Variants in VASP observed in about 807,000 individuals in gnomAD.
VASP encodes vasodilator-stimulated phosphoprotein.
Under a neutral mutation model 54.4 loss-of-function variants are expected in VASP, and 27 were observed. The observed-to-expected ratio is 0.50, with a 90% confidence interval of 0.37 to 0.68. The LOEUF is 0.68. VASP is among the 30% of genes least tolerant of loss of function. The probability of loss-of-function intolerance (pLI) is 0.00; values close to 1 mark genes in which losing one functional copy is unlikely to be tolerated. For synonymous variants in VASP, 233 were observed against 209.8 expected (o/e 1.11, Z -0.96); for missense variants, 488 against 528.3 (o/e 0.92, Z 0.75).
At position 45,507,673 on chromosome 19, in the gene VASP, G is replaced by A; in HGVS notation, c.-99G>A. 1 of 1,470,374 alleles carries A rather than the reference G, an allele frequency of 6.8e-7. No homozygotes were observed. Among genetic ancestry groups the A allele is most frequent in the Non-Finnish European group, 9.1e-7 (1 of 1,099,392 alleles). 91.1% of individuals were successfully genotyped at this position (1,470,374 alleles called of 1,614,324 possible). A position where few individuals can be genotyped will look rare whatever the true frequency, so the allele number is the denominator to read the frequency against. Reference sequence around the variant, plus strand: ...ATGGGGCGGGACCCTGGGGGAGCCTGAGCCGAGCCCGGAGCCAGCCCCGAA... The same window carrying A: ...ATGGGGCGGGACCCTGGGGGAGCCTAAGCCGAGCCCGGAGCCAGCCCCGAA... On this transcript the variant is annotated 5_prime_UTR_variant, in exon 1 of 13. It removes the in-frame stop codon of an upstream open reading frame in the 5' UTR. Transcript: ENST00000245932. This position sits in a 1 kb window ranked among gnomAD's most constrained non-coding sequence, Gnocchi z 4.4.
In VASP at chr19:45,522,652, G is replaced by C. The variant is rs564324445; in HGVS notation, c.721-66G>C. The C allele has an allele frequency of 1.5e-4, 231 of 1,569,804 alleles. No individual in the cohort carries two copies. The African/African-American group carries it at 3.0e-3, about 20-fold the overall frequency. On this transcript the variant is annotated intron_variant, in intron 6 of 12. Transcript: ENST00000245932. Reference sequence around the variant, plus strand: ...GGGGATGAGGCCAGGGCTGCCGGCGGTGTCATTGGGCTGGAAGGCCAAAAG... The same window carrying C: ...GGGGATGAGGCCAGGGCTGCCGGCGCTGTCATTGGGCTGGAAGGCCAAAAG...
chr19:45,507,584 A>G lies in VASP; in HGVS notation c.-188A>G. On this transcript the variant is annotated 5_prime_UTR_variant, in exon 1 of 13. Coordinates refer to ENST00000245932, the MANE Select transcript of VASP (RefSeq NM_003370.4). The surrounding 1 kb of genome is among the most constrained non-coding windows in gnomAD (Gnocchi z 4.4). ...CAGGAACCTCTCATCAGACCGCCTG[A>G]GGGAAGCGGCGCCCGGAGACCCGCC... is the stretch of plus-strand genomic sequence containing the variant. 1.6e-6 allele frequency: 1 copy of G among 610,062 alleles called. No homozygotes were observed. The highest frequency in any genetic ancestry group is 2.7e-6 in the Non-Finnish European group (1 of 371,636). The allele number at this position is 610,062 out of a possible 1,614,324, so 37.8% of individuals were successfully genotyped here.
chr19:45,521,451 TC>T (rs1475803236), intron 4 of VASP, 45 bp downstream of exon 4: 3 of 1,461,368 alleles, frequency 2.1e-6, no homozygotes, highest in Non-Finnish European at 2.7e-6. Flanking sequence ...CTGCCAGAGT[TC>T]CATATGTTCT....
Position 45,526,316 on chromosome 19 carries a change from A to C in VASP, c.*139A>C. On this transcript the variant is annotated 3_prime_UTR_variant, in exon 13 of 13. Coordinates refer to ENST00000245932, the MANE Select transcript of VASP (RefSeq NM_003370.4). ...TCCCACTCCCCATCCCACTTGGAAA[A>C]CTCCAAGGGGGTGTGGCTTCCCTGC... is the stretch of plus-strand genomic sequence containing the variant. The C allele has an allele frequency of 2.8e-6, 3 of 1,081,034 alleles. No homozygotes were observed. The highest frequency in any genetic ancestry group is 3.3e-5 in the Admixed American group (1 of 30,574). 67.0% of individuals were successfully genotyped at this position (1,081,034 alleles called of 1,614,324 possible).
At chr19:45,522,303 T>C (rs1435096834) in intron 5 of VASP, 37 bp from the exon 6 acceptor site, 5 of 1,613,418 alleles carry the variant, frequency 3.1e-6, no homozygotes, top group Admixed American at 1.7e-5. Context: ...ATGAGGCTTC[T>C]CTCTCTCAGC....
chr19:45,511,954 A>G (rs1325416330), intron 1 of VASP, among the ~76,000 whole-genome samples: 2 of 152,158 alleles, frequency 1.3e-5, no homozygotes, highest in African/African-American at 4.8e-5. Flanking sequence ...AAATAGAAAC[A>G]TTAGCCTGGC....
chr19:45,517,906 A>AC (rs760392791), intron 2 of VASP, 23 bp from the exon 3 acceptor site: 3 of 1,183,920 alleles, frequency 2.5e-6, no homozygotes, highest in East Asian at 6.9e-5. Flanking sequence ...GCCGCCCCTC[A>AC]CCCCCCTTTC....
rs1337213593 is a variant in VASP at position 45,526,717 on chromosome 19, G to A, written c.*540G>A. On this transcript the variant is annotated 3_prime_UTR_variant, in exon 13 of 13. Coordinates refer to ENST00000245932, the MANE Select transcript of VASP (RefSeq NM_003370.4). ...GAGGGGATGTCTCACCGGGCTGGGG[G>A]TGAGATATCCCCCCACCCCAGGGAC... is the stretch of plus-strand genomic sequence containing the variant. 2.0e-5 allele frequency: 3 copies of A among 152,274 alleles called. No individual in the cohort carries two copies. The highest frequency in any genetic ancestry group is 2.1e-4 in the South Asian group (1 of 4,822). The allele number at this position is 152,274 out of a possible 1,614,324, so 9.4% of individuals were successfully genotyped here.
In VASP at chr19:45,524,152, C is replaced by G. The variant is rs1257643090; in HGVS notation, c.956+10C>G. On this transcript the variant is annotated intron_variant, in intron 10 of 12. Transcript: ENST00000245932. ...GCACAACCTTGCCAAGGTAGGCCAT[C>G]GGTCCTGGGGCCCTTGGGGAGGTAA... The G allele has an allele frequency of 6.2e-7, 1 of 1,612,958 alleles. No individual in the cohort carries two copies. Among genetic ancestry groups the G allele is most frequent in the East Asian group, 2.2e-5 (1 of 44,856 alleles).
chr19:45,521,235 C>T (rs1968824918), intron 3 of VASP, 87 bp from the exon 4 acceptor site: 3 of 1,340,028 alleles, frequency 2.2e-6, no homozygotes, highest in African/African-American at 1.5e-5. Context: ...GGCAGGATTC[C>T]TGGGAGGCCT....
chr19:45,509,908 A>G (rs1392442177), intron 1 of VASP, among the ~76,000 whole-genome samples: 3 of 152,226 alleles, frequency 2.0e-5, no homozygotes, highest in Non-Finnish European at 4.4e-5. Flanking sequence ...GGCTGGGGAC[A>G]GTCCTGGGGG....
In VASP at chr19:45,522,359, C is replaced by T. The variant is rs201984100; in HGVS notation, c.498C>T (p.Pro166=). Residue 166 remains proline, a synonymous_variant, in exon 6 of 13, where the codon CCC becomes CCT. Transcript: ENST00000245932. ...TTTCAGGAGGCCCACCTGCTCCCCC[C>T]GCTGGGGGTCCACCCCCACCACCAG... is the stretch of plus-strand genomic sequence containing the variant. ...VSNAGGPPAP[P]AGGPPPPPGP... 101 of 1,574,416 alleles carry T rather than the reference C, an allele frequency of 6.4e-5. No individual in the cohort carries two copies. The highest frequency in any genetic ancestry group is 1.0e-4 in the South Asian group (9 of 86,608).
intron 10 of VASP, 194 bp downstream of exon 10, chr19:45,524,336 A>G: frequency 2.8e-6 from 2 of 712,776 alleles, no homozygotes; most frequent in Non-Finnish European, 4.8e-6. Context: ...CAGGAAGTTG[A>G]GGCCTCAGCG....
intron 7 of VASP, 63 bp from the exon 8 acceptor site, chr19:45,523,581 C>T: frequency 6.4e-7 from 1 of 1,553,808 alleles, no homozygotes; most frequent in Non-Finnish European, 8.8e-7. Flanking sequence ...ATTTCTAGAA[C>T]TCCCCTCAGA....
At chr19:45,514,800 C>T (rs565290037) in intron 1 of VASP, among the ~76,000 whole-genome samples, 322 of 152,262 alleles carry the variant, frequency 2.1e-3, no homozygotes, top group African/African-American at 6.5e-3. Flanking sequence ...AGAAACAGCC[C>T]CCGAGGCTGT....
At chr19:45,517,465 G>A (rs866808714) in intron 1 of VASP, among the ~76,000 whole-genome samples, 198 bp from the exon 2 acceptor site, 1 of 151,234 alleles carries the variant, frequency 6.6e-6, no homozygotes, top group African/African-American at 2.4e-5. Context: ...CTTGCATCTC[G>A]TTTGTGTGTT....
chr19:45,526,283 T>C lies in VASP; in HGVS notation c.*106T>C, dbSNP rs1282623119. The C allele has an allele frequency of 1.5e-6, 2 of 1,351,264 alleles. No individual in the cohort carries two copies. Among genetic ancestry groups the C allele is most frequent in the African/African-American group, 1.5e-5 (1 of 67,504 alleles). The allele number at this position is 1,351,264 out of a possible 1,614,324, so 83.7% of individuals were successfully genotyped here. On this transcript the variant is annotated 3_prime_UTR_variant, in exon 13 of 13. Transcript: ENST00000245932. ...GAATTGGCTGAAGACTACACAGGAA[T>C]GCATCGTTCCCACTCCCCATCCCAC...
At position 45,522,560 on chromosome 19, in the gene VASP, C is replaced by T; in HGVS notation, c.699C>T (p.Ala233=). 1 of 1,461,388 alleles carries T rather than the reference C, an allele frequency of 6.8e-7. No homozygotes were observed. Among genetic ancestry groups the T allele is most frequent in the Non-Finnish European group, 9.0e-7 (1 of 1,112,464 alleles). 90.5% of individuals were successfully genotyped at this position (1,461,388 alleles called of 1,614,324 possible). Residue 233 remains alanine, a synonymous_variant, in exon 6 of 13, where the codon GCC becomes GCT. Coordinates refer to ENST00000245932, the MANE Select transcript of VASP (RefSeq NM_003370.4). The stretch of plus-strand genomic sequence containing the variant: ...GCCTGGCCGCAGCTATTGCTGGAGC[C>T]AAACTCAGGAAAGTCAGCAAGGTGA... ...APGLAAAIAG[A]KLRKVSKQEE...
chr19:45,513,884 G>T (rs1419116708), intron 1 of VASP, among the ~76,000 whole-genome samples: 1 of 152,128 alleles, frequency 6.6e-6, no homozygotes, highest in Non-Finnish European at 1.5e-5. Context: ...TTTTTTTACA[G>T]ATGTTTCGTA....
Sources: gnomAD v4.1 joint callset for allele counts (sites outside exome capture counted in the v4.1 genomes callset) on GRCh38, gnomAD v4.1.1 for gene constraint, Gnocchi (gnomAD v3.1) non-coding constraint, MANE v1.5 for transcripts, NCBI Gene and HGNC (gene_info 2026-07-23, HGNC 2026-07-21) for gene names.